The following PCLO variants were observed in gnomAD, a reference collection of about 807,000 sequenced individuals.
PCLO encodes protein piccolo.
Under a neutral mutation model 427.5 loss-of-function variants are expected in PCLO, and 82 were observed. The observed-to-expected ratio is 0.19, with a 90% CI of 0.16 to 0.23. PCLO has a LOEUF of 0.23. PCLO is among the 10% of genes least tolerant of loss of function. The pLI is 1.00. For missense variants in PCLO, 6,239 were observed against 6,115.9 expected (o/e 1.02, Z -0.67); for synonymous variants, 2,357 against 2,155.4 (o/e 1.09, Z -2.59).
intron 6 of PCLO, among the ~76,000 whole-genome samples, chr7:82,939,737 T>C (rs1361165764): frequency 6.7e-6 from 1 of 148,214 alleles, no homozygotes; most frequent in Non-Finnish European, 1.5e-5. Context: ...ATTTTTATTA[T>C]ATATAAATAT....
At chr7:83,067,141 T>C (rs1258609717) in intron 3 of PCLO, among the ~76,000 whole-genome samples, 5 of 152,236 alleles carry the variant, frequency 3.3e-5, no homozygotes, top group Admixed American at 1.3e-4. Flanking sequence ...TATCTCATTA[T>C]GTATATGCAG....
At chr7:82,767,913 A>G (rs1181531306) in intron 22 of PCLO, among the ~76,000 whole-genome samples, 9 of 152,074 alleles carry the variant, frequency 5.9e-5, no homozygotes, top group Admixed American at 2.6e-4. Context: ...TTCATTCTGA[A>G]ATATATAAGA....
chr7:82,865,423 C>G (rs1793068353), intron 10 of PCLO, among the ~76,000 whole-genome samples: 1 of 152,062 alleles, frequency 6.6e-6, no homozygotes, highest in South Asian at 2.1e-4. Flanking sequence ...GGGAGGCAGA[C>G]AGTGCAGTGA....
intron 21 of PCLO, among the ~76,000 whole-genome samples, chr7:82,803,649 C>G: frequency 6.7e-6 from 1 of 150,230 alleles, no homozygotes; most frequent in East Asian, 2.0e-4. Flanking sequence ...AATGACTACA[C>G]TTTAGCTCAG....
intron 3 of PCLO, among the ~76,000 whole-genome samples, chr7:82,998,311 T>G (rs942956584): frequency 1.3e-5 from 2 of 151,912 alleles, no homozygotes; most frequent in Non-Finnish European, 2.9e-5. Context: ...CTCTCATGCT[T>G]CAGGCAGGGG....
In PCLO at chr7:82,915,753, C is replaced by T. The variant is rs776696773; in HGVS notation, c.12233G>A (p.Arg4078His). 1.9e-5 allele frequency: 30 copies of T among 1,611,846 alleles called. No individual in the cohort carries two copies. Among genetic ancestry groups the T allele is most frequent in the African/African-American group, 5.3e-5 (4 of 74,872 alleles). The change falls in exon 7 of 25, where the codon CGT (arginine) becomes CAT (histidine). Residue 4078 changes from arginine (R) to histidine (H), a missense_variant. By Grantham distance (29) the Arg-to-His change is conservative (BLOSUM62 0). This residue lies in a region of PCLO where 680 missense variants were observed against 677.3 expected (regional missense o/e 1.00). Coordinates refer to ENST00000333891, the MANE Select transcript of PCLO (RefSeq NM_033026.6). ...GCGTGTCTCAGTGGTTCGAAGGAGA[C>T]GGTCTGTTTTTGACAGATCCTTTTC... ...LHEKDLSKTDRLLRTTETRRS... is the reference protein window; with the variant it reads ...LHEKDLSKTDHLLRTTETRRS...
In PCLO at chr7:82,843,665, A is replaced by ATT. The variant is rs71522631; in HGVS notation, c.14046+1604_14046+1605dup. Reference sequence around the variant, plus strand: ...AATGTAGCCATTCCACAACGTATTCATTTTTTTTTTTTTTTTGGAGACAGA... The same window carrying ATT: ...AATGTAGCCATTCCACAACGTATTCATTTTTTTTTTTTTTTTTTGGAGACAGA... On this transcript the variant is annotated intron_variant, in intron 13 of 24. Transcript: ENST00000333891. Among the ~76,000 whole-genome samples, 202 of 135,784 alleles carry ATT rather than the reference A, an allele frequency of 1.5e-3. 3 individuals are homozygous for ATT. Among genetic ancestry groups the ATT allele is most frequent in the East Asian group, 8.0e-3 (36 of 4,480 alleles). 89.1% of individuals were successfully genotyped at this position (135,784 alleles called of 152,430 possible). A position where few individuals can be genotyped will look rare whatever the true frequency, so the allele number is the denominator to read the frequency against.
intron 3 of PCLO, among the ~76,000 whole-genome samples, chr7:82,976,305 C>T (rs1796016917): frequency 6.6e-6 from 1 of 152,142 alleles, no homozygotes. Context: ...CTCATGGGTT[C>T]CAGCTTGTCC....
At chr7:82,961,908 C>CA (rs1396213175) in intron 4 of PCLO, among the ~76,000 whole-genome samples, 8 of 151,612 alleles carry the variant, frequency 5.3e-5, no homozygotes, top group East Asian at 1.9e-4. Context: ...AAAAATTCTG[C>CA]AAAAAAAATC....
At chr7:82,898,905 T>C (rs1793970374) in intron 9 of PCLO, among the ~76,000 whole-genome samples, 1 of 151,444 alleles carries the variant, frequency 6.6e-6, no homozygotes, top group Non-Finnish European at 1.5e-5. Context: ...TTAGCTAATT[T>C]TGAAGCAAAT....
rs1003960922 is a variant in PCLO at position 83,093,319 on chromosome 7, T to C, written c.3300+40931A>G. ...AGCAGTCATCATTCTATACTTCAAA[T>C]TTTCCAAGATAAAATTATATAAAGT... On this transcript the variant is annotated intron_variant, in intron 3 of 24. Transcript: ENST00000333891. Among the ~76,000 whole-genome samples the C allele has an allele frequency of 2.0e-5, 3 of 151,116 alleles. No individual in the cohort carries two copies. The East Asian group carries it at 5.8e-4, about 29-fold the overall frequency.
intron 3 of PCLO, among the ~76,000 whole-genome samples, chr7:83,102,299 T>A (rs889599901): frequency 6.6e-6 from 1 of 151,966 alleles, no homozygotes; most frequent in East Asian, 1.9e-4. Context: ...TCTACGTGAT[T>A]GAAAAATCAT....
rs543317707 is a variant in PCLO, at chr7:82,756,295, T to C, written c.*2280A>G. On this transcript the variant is annotated 3_prime_UTR_variant, in exon 25 of 25. Transcript: ENST00000333891. ...CAATTATGAGTGATGATTATAGGCT[T>C]CTTCAAGTGCTAGCTTCTGCTGGAA... 8 of 152,188 alleles carry C rather than the reference T, an allele frequency of 5.3e-5. No individual in the cohort carries two copies. The South Asian group carries it at 1.7e-3, about 32-fold the overall frequency. 9.4% of individuals were successfully genotyped at this position (152,188 alleles called of 1,614,324 possible).
rs1794428919 is a variant in PCLO at position 82,915,533 on chromosome 7, A to C, written c.12453T>G (p.Ala4151=). The change falls in exon 7 of 25, where the codon GCT becomes GCG. Residue 4151 remains alanine (A), a synonymous_variant. Coordinates refer to ENST00000333891, the MANE Select transcript of PCLO (RefSeq NM_033026.6). ...TTGGAAAATGTCTGTAGCTAGTATC[A>C]GCATGGTAATAATGAGAAAGACCAG... ...HLAGLSHYYH[A]DTSYRHFPKS... is the part of the protein sequence containing the mutation. 1 of 1,613,630 alleles carries C rather than the reference A, an allele frequency of 6.2e-7. No homozygotes were observed. The highest frequency in any genetic ancestry group is 1.7e-5 in the Admixed American group (1 of 59,968).
intron 3 of PCLO, among the ~76,000 whole-genome samples, chr7:82,973,933 T>A (rs1795961588): frequency 1.3e-5 from 2 of 152,168 alleles, no homozygotes; most frequent in Non-Finnish European, 2.9e-5. Context: ...ATTCATATAC[T>A]TTTTTCTGAA....
rs1187051122 is a variant in PCLO, at chr7:82,999,675, T to A, written c.3301-33188A>T. The stretch of plus-strand genomic sequence containing the variant: ...AATATTATATATAAAATATAAAATA[T>A]ATTATATATAAAATAATATATAATA... On this transcript the variant is annotated intron_variant, in intron 3 of 24. Transcript: ENST00000333891. Among the ~76,000 whole-genome samples the A allele has an allele frequency of 1.4e-4, 3 of 21,592 alleles. 1 individual carries two copies. Among genetic ancestry groups the A allele is most frequent in the Non-Finnish European group, 1.9e-4 (3 of 15,810 alleles). The allele number at this position is 21,592 out of a possible 152,430, so 14.2% of individuals were successfully genotyped here.
chr7:82,815,507 TAAAAAG>T (rs1791660687), intron 20 of PCLO, among the ~76,000 whole-genome samples: 2 of 152,230 alleles, frequency 1.3e-5, no homozygotes, highest in African/African-American at 4.8e-5. Context: ...GTTCTTTTTA[TAAAAAG>T]AATCAGATAA....
intron 3 of PCLO, among the ~76,000 whole-genome samples, chr7:83,064,749 G>A (rs142172737): frequency 0.013 from 1,985 of 151,970 alleles, 19 homozygotes; most frequent in Middle Eastern, 0.044. Context: ...AAATATTGGC[G>A]GGTGCAATAA....
chr7:82,966,141 T>A lies in PCLO; in HGVS notation c.3647A>T (p.Glu1216Val), dbSNP rs1259603801. The change falls in exon 4 of 25, where the codon GAA becomes GTA. Residue 1216 changes from glutamate to valine, a missense_variant. By Grantham distance (121) the Glu-to-Val change is moderately radical (BLOSUM62 -2). Around this residue, in one of 5 missense-constraint regions of PCLO, gnomAD observed 4,677 missense variants for 4,468.4 expected, o/e 1.05. Coordinates refer to ENST00000333891, the MANE Select transcript of PCLO (RefSeq NM_033026.6). ...TTCTTCAGGGATTAGTTTTTTTTCTTCAGGGAGTGGCTTTTTTTCTTGAAG... is the reference window on the plus strand; with the variant it reads ...TTCTTCAGGGATTAGTTTTTTTTCTACAGGGAGTGGCTTTTTTTCTTGAAG... ...SALQEKKPLP[E>V]EKKLIPEEEK... 1.2e-6 allele frequency: 2 copies of A among 1,606,716 alleles called. No individual in the cohort carries two copies. Among genetic ancestry groups the A allele is most frequent in the East Asian group, 4.5e-5 (2 of 44,836 alleles).
Sources: gnomAD v4.1 joint callset for allele counts (sites outside exome capture counted in the v4.1 genomes callset) on GRCh38, gnomAD v4.1.1 for gene constraint, gnomAD v4.1.1 regional missense constraint, MANE v1.5 for transcripts, NCBI Gene and HGNC (gene_info 2026-07-23, HGNC 2026-07-21) for gene names.